Variants in EEF1E1 observed in about 807,000 individuals in gnomAD.
EEF1E1 encodes eukaryotic translation elongation factor 1 epsilon-1.
EEF1E1 carries 19 observed loss-of-function variants against 19.9 expected under a neutral mutation model. The observed-to-expected ratio is 0.95, with a 90% CI of 0.66 to 1.40. EEF1E1 has a LOEUF of 1.40. Ranked by LOEUF, EEF1E1 falls within the 40% of genes most tolerant of loss-of-function variation. The pLI, the probability that EEF1E1 is intolerant of heterozygous loss-of-function variation, is 0.00. For synonymous variants in EEF1E1, 81 were observed against 80.0 expected, an observed-to-expected ratio of 1.01 and a Z score of -0.07; for missense variants, 198 against 202.2, an observed-to-expected ratio of 0.98 and a Z score of 0.13.
intron 2 of EEF1E1, among the ~76,000 whole-genome samples, chr6:8,092,641 T>G (rs1217548212): frequency 6.6e-6 from 1 of 152,192 alleles, no homozygotes; most frequent in Non-Finnish European, 1.5e-5. Flanking sequence ...ACCACTTAAA[T>G]TTTATGGTAC....
intron 3 of EEF1E1, among the ~76,000 whole-genome samples, chr6:8,083,994 AG>A (rs1354893339): frequency 6.6e-6 from 1 of 152,160 alleles, no homozygotes; most frequent in Non-Finnish European, 1.5e-5. Context: ...CTGTTCCTTG[AG>A]AAGGTGTTTA....
intron 2 of EEF1E1, among the ~76,000 whole-genome samples, chr6:8,092,936 G>A (rs1179460683): frequency 7.0e-6 from 1 of 143,664 alleles, no homozygotes; most frequent in African/African-American, 2.6e-5. Context: ...GTACAGTGGC[G>A]TGATCTGGGC....
At chr6:8,073,440 A>G in exon 4 of EEF1E1, 1 of 1,550,936 alleles carries the variant, frequency 6.4e-7, no homozygotes. Flanking sequence ...TTTGAATCTC[A>G]GTTCCTTGAT....
chr6:8,102,364 G>T, intron 1 of EEF1E1, 71 bp downstream of exon 1: 1 of 1,466,938 alleles, frequency 6.8e-7, no homozygotes, highest in Non-Finnish European at 9.3e-7. Context: ...TGGCCGGCCC[G>T]GGTCCTGCCA....
At chr6:8,093,931 G>A (rs1486052699) in intron 2 of EEF1E1, among the ~76,000 whole-genome samples, 1 of 151,948 alleles carries the variant, frequency 6.6e-6, no homozygotes, top group Admixed American at 6.6e-5. Flanking sequence ...CTGAGTAGCT[G>A]GGACTACAGG....
At chr6:8,075,222 C>G (rs939258952), downstream of EEF1E1, among the ~76,000 whole-genome samples, 3 of 152,144 alleles carry the variant, frequency 2.0e-5, no homozygotes, top group Admixed American at 6.5e-5. Flanking sequence ...TAACAACTCC[C>G]ATAATTAATT....
chr6:8,077,097 C>CCACACCCAGCTAATTTTCTGTATTT (rs1554142136), downstream of EEF1E1, among the ~76,000 whole-genome samples: 1 of 152,184 alleles, frequency 6.6e-6, no homozygotes, highest in East Asian at 1.9e-4. Context: ...GCGCCCGCCA[C>CCACACCCAGCTAATTTTCTGTATTT]CACACCCAGC....
chr6:8,092,677 C>T (rs1779994000), intron 2 of EEF1E1, among the ~76,000 whole-genome samples: 1 of 151,942 alleles, frequency 6.6e-6, no homozygotes. Context: ...TGATTTCTCT[C>T]CAAATATCTT....
intron 2 of EEF1E1, among the ~76,000 whole-genome samples, chr6:8,095,926 C>T (rs1210756141): frequency 6.6e-6 from 1 of 152,180 alleles, no homozygotes; most frequent in Non-Finnish European, 1.5e-5. Flanking sequence ...GTCTAATGCA[C>T]CACCAGCCCT....
In EEF1E1 at chr6:8,089,603, T is replaced by G. The variant is rs555667474; in HGVS notation, c.384+583A>C. Reference sequence around the variant, plus strand: ...GCTGATCAGATGGTGCCCACCCAGATTAAGGTTGGGTCTGCCTTCCCCAGC... The same window carrying G: ...GCTGATCAGATGGTGCCCACCCAGAGTAAGGTTGGGTCTGCCTTCCCCAGC... On this transcript the variant is annotated intron_variant, in intron 3 of 3. Transcript: ENST00000379715. Among the ~76,000 whole-genome samples, 6 of 152,312 alleles carry G rather than the reference T, an allele frequency of 3.9e-5. No individual in the cohort carries two copies. In the South Asian group the frequency reaches 8.3e-4, roughly 21 times the overall value.
chr6:8,076,818 C>T (rs1388366916), downstream of EEF1E1, among the ~76,000 whole-genome samples: 2 of 152,140 alleles, frequency 1.3e-5, no homozygotes, highest in Non-Finnish European at 2.9e-5. Flanking sequence ...TTTTTCTGAG[C>T]AGTAGGTCTC....
At chr6:8,099,606 G>T (rs1457116687) in intron 1 of EEF1E1, among the ~76,000 whole-genome samples, 1 of 152,046 alleles carries the variant, frequency 6.6e-6, no homozygotes, top group Non-Finnish European at 1.5e-5. Context: ...AATTAGCCGG[G>T]CGTGGTGGCA....
chr6:8,093,772 A>G (rs1245089331), intron 2 of EEF1E1, among the ~76,000 whole-genome samples: 1 of 151,992 alleles, frequency 6.6e-6, no homozygotes, highest in Non-Finnish European at 1.5e-5. Flanking sequence ...AAAACGACAC[A>G]TTAATAATTG....
In EEF1E1 at chr6:8,102,510, G is replaced by A. The variant is rs1307484213; in HGVS notation, c.12C>T (p.Ala4=). MAA[A]AELSLLEKSL... ...ACTTCTCCAGTAGCGACAACTCTGC[G>A]GCCGCCGCCATCTTCCGGCCGTAGC... Residue 4 remains alanine (A), a synonymous_variant, in exon 1 of 4, where the codon GCC becomes GCT. Transcript: ENST00000379715. 3.7e-6 allele frequency: 6 copies of A among 1,611,014 alleles called. No homozygotes were observed. Among genetic ancestry groups the A allele is most frequent in the East Asian group, 2.2e-5 (1 of 44,866 alleles).
chr6:8,080,358 T>C (rs1757696116), intron 3 of EEF1E1, among the ~76,000 whole-genome samples: 1 of 152,202 alleles, frequency 6.6e-6, no homozygotes. Context: ...GGAAGATAGA[T>C]TAAGATACAG....
chr6:8,100,395 T>C (rs1240315395), intron 1 of EEF1E1, among the ~76,000 whole-genome samples: 8 of 152,148 alleles, frequency 5.3e-5, no homozygotes, highest in African/African-American at 1.4e-4. Flanking sequence ...TTTTGCTCCA[T>C]ATGGAGTCCT....
intron 2 of EEF1E1, among the ~76,000 whole-genome samples, chr6:8,092,631 AC>A (rs2113656229): frequency 6.6e-6 from 1 of 152,320 alleles, no homozygotes; most frequent in South Asian, 2.1e-4. Context: ...ATTAGGGACT[AC>A]CACTTAAATT....
rs561459695 is a variant in EEF1E1, at chr6:8,102,089, A to G, written c.87+346T>C. ...ACTGAATGAAAGGTGCGATTACGGG[A>G]AAAAAAAAAAAGCCAGTTACTGAAT... On this transcript the variant is annotated intron_variant, in intron 1 of 3. Coordinates refer to ENST00000379715, the MANE Select transcript of EEF1E1 (RefSeq NM_004280.5). 2.1e-3 allele frequency: 672 copies of G among 315,578 alleles called. 2 individuals carry two copies. The highest frequency in any genetic ancestry group is 0.015 in the African/African-American group (571 of 38,576). The allele number at this position is 315,578 out of a possible 1,614,324, so 19.5% of individuals were successfully genotyped here.
At chr6:8,075,377 G>T (rs1177693714), downstream of EEF1E1, among the ~76,000 whole-genome samples, 1 of 152,298 alleles carries the variant, frequency 6.6e-6, no homozygotes, top group East Asian at 1.9e-4. Flanking sequence ...TAATATACAG[G>T]AAGATGTGAA....
Sources: gnomAD v4.1 joint callset for allele counts (sites outside exome capture counted in the v4.1 genomes callset) on GRCh38, gnomAD v4.1.1 for gene constraint, MANE v1.5 for transcripts, NCBI Gene and HGNC (gene_info 2026-07-23, HGNC 2026-07-21) for gene names.